Variants in UFL1 observed in about 807,000 individuals in gnomAD.
The protein encoded by UFL1 is UFM1 specific ligase 1, also known as E3 UFM1-protein ligase 1.
UFL1 carries 78 observed loss-of-function variants against 99.3 expected under a neutral mutation model. That is an observed-to-expected ratio of 0.79 (90% confidence interval 0.65 to 0.95). UFL1 has a LOEUF of 0.95. Among genes scored for constraint, UFL1 ranks in the 40% least tolerant of loss-of-function variants. The pLI is 0.00. For synonymous variants in UFL1, 335 were observed against 322.2 expected, an observed-to-expected ratio of 1.04 and a Z score of -0.42; for missense variants, 936 against 937.0, an observed-to-expected ratio of 1.00 and a Z score of 0.01.
intron 6 of UFL1, among the ~76,000 whole-genome samples, chr6:96,533,208 A>T (rs1396609871): frequency 1.4e-5 from 2 of 144,402 alleles, no homozygotes; most frequent in Non-Finnish European, 3.0e-5. Context: ...TGTATCCTTT[A>T]AAAAAAAAAA....
intron 5 of UFL1, among the ~76,000 whole-genome samples, chr6:96,527,825 TC>T (rs1216324545): frequency 6.6e-6 from 1 of 152,182 alleles, no homozygotes; most frequent in Non-Finnish European, 1.5e-5. Flanking sequence ...TTTTTCTATA[TC>T]ATAAAAATAA....
At chr6:96,550,374 T>C (rs1368883671) in intron 15 of UFL1, among the ~76,000 whole-genome samples, 1 of 151,870 alleles carries the variant, frequency 6.6e-6, no homozygotes, top group African/African-American at 2.4e-5. Flanking sequence ...TTTCCTGTTC[T>C]TCTTCCTTCT....
At chr6:96,525,198 G>A (rs1769681438) in intron 3 of UFL1, 99 bp from the exon 4 acceptor site, 1 of 936,234 alleles carries the variant, frequency 1.1e-6, no homozygotes, top group Non-Finnish European at 1.6e-6. Context: ...CACCATGCCT[G>A]GCCGGCAATT....
intron 7 of UFL1, among the ~76,000 whole-genome samples, chr6:96,535,074 A>C (rs1769834385): frequency 6.6e-6 from 1 of 151,996 alleles, no homozygotes; most frequent in Non-Finnish European, 1.5e-5. Context: ...TTCTTCAAAT[A>C]ATAATTGGTA....
chr6:96,528,057 A>G (rs1044532857), intron 5 of UFL1, among the ~76,000 whole-genome samples: 12 of 152,170 alleles, frequency 7.9e-5, no homozygotes, highest in Non-Finnish European at 1.5e-4. Flanking sequence ...ATGTTTCCCT[A>G]TGTTGCAGAA....
At chr6:96,546,913 C>G (rs940494275) in intron 12 of UFL1, among the ~76,000 whole-genome samples, 1 of 151,442 alleles carries the variant, frequency 6.6e-6, no homozygotes, top group Non-Finnish European at 1.5e-5. Context: ...AGGAAAAAAT[C>G]TTCTGGACAT....
intron 9 of UFL1, 95 bp downstream of exon 9, chr6:96,537,644 T>C (rs921422197): frequency 2.3e-6 from 3 of 1,312,176 alleles, no homozygotes; most frequent in East Asian, 2.8e-5. Context: ...ATAAAGGTGG[T>C]CTTGGCTTTG....
intron 1 of UFL1, 155 bp from the exon 2 acceptor site, chr6:96,522,991 T>C (rs2127948043): frequency 1.6e-6 from 1 of 618,910 alleles, no homozygotes; most frequent in African/African-American, 1.9e-5. Flanking sequence ...TTTTTTTAAC[T>C]TATTGAATCA....
At chr6:96,523,425 A>T (rs1054052694) in intron 2 of UFL1, 134 bp downstream of exon 2, 1 of 981,896 alleles carries the variant, frequency 1.0e-6, no homozygotes, top group African/African-American at 1.7e-5. Context: ...TTAATTTGAT[A>T]ATCAGGCTTA....
chr6:96,541,199 T>C (rs1769926478), intron 11 of UFL1, among the ~76,000 whole-genome samples: 1 of 151,350 alleles, frequency 6.6e-6, no homozygotes, highest in South Asian at 2.1e-4. Flanking sequence ...CCATGATGTG[T>C]TTTATTGTTT....
chr6:96,522,029 G>A, intron 1 of UFL1, 79 bp downstream of exon 1: 3 of 1,461,196 alleles, frequency 2.1e-6, no homozygotes, highest in Non-Finnish European at 2.8e-6. Flanking sequence ...CTTTAGACCC[G>A]CGGCCCTGCA....
At chr6:96,531,651 T>C (rs959556267) in intron 6 of UFL1, among the ~76,000 whole-genome samples, 3 of 152,238 alleles carry the variant, frequency 2.0e-5, no homozygotes, top group Non-Finnish European at 4.4e-5. Context: ...TTTGTAACTT[T>C]TTTGTACCCT....
intron 15 of UFL1, among the ~76,000 whole-genome samples, chr6:96,550,646 T>TC (rs1294399399): frequency 6.6e-6 from 1 of 151,986 alleles, no homozygotes; most frequent in East Asian, 1.9e-4. Flanking sequence ...TCTTCCTCCT[T>TC]CCCCAGCAAG....
intron 15 of UFL1, 26 bp downstream of exon 15, chr6:96,549,825 A>G (rs371556910): frequency 1.1e-5 from 17 of 1,607,056 alleles, no homozygotes; most frequent in Middle Eastern, 1.7e-4. Flanking sequence ...CCCTACCACT[A>G]TTGATGTGTT....
chr6:96,540,834 T>C (rs903061185), intron 11 of UFL1, among the ~76,000 whole-genome samples, 179 bp downstream of exon 11: 12 of 151,546 alleles, frequency 7.9e-5, no homozygotes, highest in African/African-American at 2.4e-4. Context: ...AATGGAAATA[T>C]TGGTGATTAT....
Position 96,553,627 on chromosome 6 carries a change from AT to A in UFL1, c.*126del. 1 of 677,984 alleles carries A rather than the reference AT, an allele frequency of 1.5e-6. No homozygotes were observed. Among genetic ancestry groups the A allele is most frequent in the East Asian group, 2.7e-5 (1 of 36,810 alleles). The allele number at this position is 677,984 out of a possible 1,614,324, so 42.0% of individuals were successfully genotyped here. Reference sequence around the variant, plus strand: ...GCAAAAACCACCTCATACACACACAATTCAGTTAAAACAGTAGTATTGTATT... The same window carrying A: ...GCAAAAACCACCTCATACACACACAATCAGTTAAAACAGTAGTATTGTATT... On this transcript the variant is annotated 3_prime_UTR_variant, in exon 19 of 19. Coordinates refer to ENST00000369278, the MANE Select transcript of UFL1 (RefSeq NM_015323.5).
chr6:96,549,178 G>A (rs904275942), intron 13 of UFL1, among the ~76,000 whole-genome samples: 2 of 151,610 alleles, frequency 1.3e-5, no homozygotes, highest in Non-Finnish European at 1.5e-5. Flanking sequence ...TATTCTTGGT[G>A]TCTTAATTGC....
rs1435866560 is a variant in UFL1 at position 96,526,426 on chromosome 6, T to A, written c.456T>A (p.Phe152Leu). The A allele has an allele frequency of 6.2e-7, 1 of 1,610,184 alleles. No homozygotes were observed. ...LCKTYDLPGN[F>L]LTQALTQRLG... ...AAACTTATGATCTTCCTGGGAACTTTCTGACACAGGTATTTTTTTTCCTAA... is the reference window on the plus strand; with the variant it reads ...AAACTTATGATCTTCCTGGGAACTTACTGACACAGGTATTTTTTTTCCTAA... Residue 152 changes from phenylalanine (F) to leucine (L), a missense_variant, in exon 5 of 19, where the codon TTT (phenylalanine) becomes TTA (leucine). Phe to Leu is a conservative substitution (Grantham distance 22). Transcript: ENST00000369278.
chr6:96,529,929 G>A (rs1198703102), intron 6 of UFL1, among the ~76,000 whole-genome samples: 1 of 152,088 alleles, frequency 6.6e-6, no homozygotes. Context: ...TTGCTGACAT[G>A]ATGCTCTATC....
Sources: gnomAD v4.1 joint callset for allele counts (sites outside exome capture counted in the v4.1 genomes callset) on GRCh38, gnomAD v4.1.1 for gene constraint, MANE v1.5 for transcripts, NCBI Gene and HGNC (gene_info 2026-07-23, HGNC 2026-07-21) for gene names.